Variants in STK38 observed in about 807,000 individuals in gnomAD.
The protein encoded by STK38 is serine/threonine kinase 38.
Under a neutral mutation model 59.0 loss-of-function variants are expected in STK38, and 26 were observed. That is an observed-to-expected ratio of 0.44 (90% confidence interval 0.32 to 0.61). STK38 has a LOEUF of 0.61. STK38 is among the 20% of genes least tolerant of loss of function. The pLI is 0.04. For synonymous variants in STK38, 175 were observed against 176.6 expected (o/e 0.99, Z 0.07); for missense variants, 433 against 566.0 (o/e 0.76, Z 2.38).
intron 8 of STK38, among the ~76,000 whole-genome samples, 158 bp from the exon 9 acceptor site, chr6:36,506,802 A>G (rs1476560843): frequency 6.6e-6 from 1 of 152,170 alleles, no homozygotes; most frequent in African/African-American, 2.4e-5. Flanking sequence ...GTACGTTTAC[A>G]GTAAACCCAA....
chr6:36,545,516 G>T (rs1778036694), intron 1 of STK38, among the ~76,000 whole-genome samples: 1 of 152,024 alleles, frequency 6.6e-6, no homozygotes, highest in African/African-American at 2.4e-5. Flanking sequence ...GATAAAGACT[G>T]CACTCTCCTT....
chr6:36,506,573 T>C lies in STK38; in HGVS notation c.834+10A>G, dbSNP rs767939240. On this transcript the variant is annotated intron_variant, in intron 9 of 13. Coordinates refer to ENST00000229812, the MANE Select transcript of STK38 (RefSeq NM_007271.4). The stretch of plus-strand genomic sequence containing the variant: ...TTTGTAGCATTTCAGAAGCCACAGA[T>C]ATTACTTACTAGCTGACGTCTATTT... 14 of 1,612,034 alleles carry C rather than the reference T, an allele frequency of 8.7e-6. No individual in the cohort carries two copies. In the East Asian group the frequency reaches 1.6e-4, roughly 18 times the overall value.
At chr6:36,509,718 G>A (rs990123138) in intron 7 of STK38, among the ~76,000 whole-genome samples, 3 of 152,060 alleles carry the variant, frequency 2.0e-5, no homozygotes, top group East Asian at 1.9e-4. Flanking sequence ...TGTCAGGGCC[G>A]AGGCTGCTAC....
intron 7 of STK38, among the ~76,000 whole-genome samples, chr6:36,509,099 CCT>C (rs1777039654): frequency 6.6e-6 from 1 of 152,336 alleles, no homozygotes; most frequent in Non-Finnish European, 1.5e-5. Flanking sequence ...ATATTTCAGC[CCT>C]GTTTGTGTTA....
chr6:36,524,502 C>A, intron 3 of STK38, 39 bp from the exon 4 acceptor site: 5 of 1,560,616 alleles, frequency 3.2e-6, no homozygotes, highest in Non-Finnish European at 4.3e-6. Context: ...CGGGAAGGAA[C>A]TGAAATTCTG....
At chr6:36,505,773 T>C (rs1174708962) in intron 9 of STK38, among the ~76,000 whole-genome samples, 2 of 152,240 alleles carry the variant, frequency 1.3e-5, no homozygotes, top group East Asian at 1.9e-4. Context: ...AGTTTGGCTT[T>C]ACCATCATCA....
In STK38 at chr6:36,497,770, A is replaced by G. The variant is rs770259224; in HGVS notation, c.1172+10T>C. ...CTGAAATAATTCTGAAAGTGTTTAT[A>G]TGGATATACCTGATATGTTCCCAGT... is the stretch of plus-strand genomic sequence containing the variant. On this transcript the variant is annotated intron_variant, in intron 12 of 13. Transcript: ENST00000229812. 6 of 1,590,734 alleles carry G rather than the reference A, an allele frequency of 3.8e-6. No homozygotes were observed. The highest frequency in any genetic ancestry group is 1.8e-5 in the Admixed American group (1 of 56,232).
chr6:36,526,529 C>T (rs1455671322), intron 2 of STK38, among the ~76,000 whole-genome samples: 1 of 150,702 alleles, frequency 6.6e-6, no homozygotes, highest in Admixed American at 6.6e-5. Context: ...GGAGGTGAGG[C>T]AGATGGGTCA....
chr6:36,509,227 A>ACAGT (rs1207166715), intron 7 of STK38, among the ~76,000 whole-genome samples: 14 of 152,300 alleles, frequency 9.2e-5, no homozygotes, highest in African/African-American at 3.4e-4. Context: ...TTACTGAGCG[A>ACAGT]CAGTACAGCT....
At chr6:36,504,898 CAAAA>C (rs562032331) in intron 9 of STK38, among the ~76,000 whole-genome samples, 3 of 64,078 alleles carry the variant, frequency 4.7e-5, no homozygotes, top group Non-Finnish European at 9.1e-5. Context: ...TCCTGGCCTC[CAAAA>C]AAAAAAAAAA....
At chr6:36,511,291 A>G (rs1261561374) in intron 7 of STK38, among the ~76,000 whole-genome samples, 1 of 152,142 alleles carries the variant, frequency 6.6e-6, no homozygotes, top group Non-Finnish European at 1.5e-5. Flanking sequence ...GTACATATGT[A>G]CACAGCAAGG....
intron 7 of STK38, among the ~76,000 whole-genome samples, chr6:36,513,740 A>G (rs1347558271): frequency 6.6e-6 from 1 of 151,054 alleles, no homozygotes; most frequent in Non-Finnish European, 1.5e-5. Flanking sequence ...GTGGTGGCTC[A>G]CACTTGTAAT....
chr6:36,529,135 C>G (rs2267925), intron 2 of STK38, among the ~76,000 whole-genome samples: 35,908 of 151,798 alleles, frequency 0.24, 4,419 homozygotes, highest in East Asian at 0.37. Context: ...GAGATGACAT[C>G]AAAGGAATTA....
intron 1 of STK38, among the ~76,000 whole-genome samples, chr6:36,544,344 CA>C (rs755946366): frequency 5.4e-5 from 8 of 147,230 alleles, no homozygotes; most frequent in Non-Finnish European, 1.2e-4. Flanking sequence ...ACAAAAACAA[CA>C]AAAAAAAAAC....
Position 36,535,874 on chromosome 6 carries a change from C to CA in STK38, c.131+4197dup, listed in dbSNP as rs35930267. ...CTGGCAGCAGAGCAAGACTCCGTCTCAAAAAAAAAAAAAAAAAAGCAACAT... is the reference window on the plus strand; with the variant it reads ...CTGGCAGCAGAGCAAGACTCCGTCTCAAAAAAAAAAAAAAAAAAAGCAACAT... On this transcript the variant is annotated intron_variant, in intron 2 of 13. Transcript: ENST00000229812. 8.6e-3 allele frequency among the ~76,000 whole-genome samples: 647 copies of CA among 75,158 alleles called. 9 individuals are homozygous for CA. The highest frequency in any genetic ancestry group is 0.015 in the South Asian group (35 of 2,288). The allele number at this position is 75,158 out of a possible 152,430, so 49.3% of individuals were successfully genotyped here. A position where few individuals can be genotyped will look rare whatever the true frequency, so the allele number is the denominator to read the frequency against.
intron 7 of STK38, among the ~76,000 whole-genome samples, chr6:36,514,440 A>G (rs1380289139): frequency 1.3e-5 from 2 of 152,208 alleles, no homozygotes; most frequent in Non-Finnish European, 2.9e-5. Context: ...TTCAGTCAAG[A>G]CAACAAGTCT....
chr6:36,535,204 C>T (rs1279584787), intron 2 of STK38, among the ~76,000 whole-genome samples: 1 of 152,142 alleles, frequency 6.6e-6, no homozygotes. Context: ...GTAATCCCAG[C>T]ACTTTGGGAG....
intron 7 of STK38, among the ~76,000 whole-genome samples, chr6:36,508,894 C>T (rs1354570771): frequency 2.0e-5 from 3 of 152,206 alleles, no homozygotes; most frequent in Non-Finnish European, 2.9e-5. Context: ...GCACTGCAAG[C>T]GGCTTCTGCT....
intron 2 of STK38, among the ~76,000 whole-genome samples, chr6:36,533,524 C>G (rs887698284): frequency 7.2e-5 from 11 of 152,158 alleles, no homozygotes; most frequent in Admixed American, 5.9e-4. Flanking sequence ...GAAGGCTTTT[C>G]TATCTTAAGA....
Sources: allele counts gnomAD v4.1 joint callset (sites outside exome capture counted in the v4.1 genomes callset), GRCh38; gene constraint gnomAD v4.1.1; transcripts MANE v1.5; gene names NCBI Gene and HGNC (gene_info 2026-07-23, HGNC 2026-07-21).